The following KIAA1217 variants were observed in gnomAD, a reference collection of about 807,000 sequenced individuals.
KIAA1217 encodes sickle tail protein homolog.
A neutral mutation model predicts 163.9 loss-of-function variants in KIAA1217; 88 were observed. That is an observed-to-expected ratio of 0.54 (90% CI 0.45 to 0.64). KIAA1217 has a LOEUF of 0.64. Ranked by LOEUF, KIAA1217 falls within the 30% of genes least tolerant of loss-of-function variation. KIAA1217 has a pLI of 0.00. For synonymous variants in KIAA1217, 903 were observed against 923.1 expected, an observed-to-expected ratio of 0.98 and a Z score of 0.39; for missense variants, 2,372 against 2,475.0, an observed-to-expected ratio of 0.96 and a Z score of 0.88.
chr10:24,520,338 T>C, intron 11 of KIAA1217, 85 bp downstream of exon 11: 8 of 1,542,938 alleles, frequency 5.2e-6, no homozygotes, highest in Non-Finnish European at 5.3e-6. Context: ...GATTCATTCA[T>C]GTATGCAAGT....
intron 13 of KIAA1217, among the ~76,000 whole-genome samples, chr10:24,526,756 GTC>G (rs540754020): frequency 9.9e-5 from 15 of 152,220 alleles, no homozygotes; most frequent in Non-Finnish European, 2.1e-4. Flanking sequence ...AAGAGACAAA[GTC>G]TCTGCCCTCA....
chr10:24,370,987 A>G (rs1298507808), intron 2 of KIAA1217, among the ~76,000 whole-genome samples: 1 of 152,270 alleles, frequency 6.6e-6, no homozygotes, highest in African/African-American at 2.4e-5. Context: ...AATGAGATCC[A>G]GACTTGGAAC....
chr10:23,755,808 C>T (rs76945197), intron 1 of KIAA1217, among the ~76,000 whole-genome samples: 1 of 152,102 alleles, frequency 6.6e-6, no homozygotes, highest in Non-Finnish European at 1.5e-5. Context: ...GCATCTATGC[C>T]TCATGTTCAG....
chr10:24,535,952 G>A (rs887396881), intron 16 of KIAA1217, among the ~76,000 whole-genome samples: 2 of 152,002 alleles, frequency 1.3e-5, no homozygotes, highest in African/African-American at 4.8e-5. Flanking sequence ...TAACCTGGGT[G>A]GTATATAGCC....
At chr10:24,404,245 C>T (rs2056915498) in intron 3 of KIAA1217, among the ~76,000 whole-genome samples, 1 of 152,184 alleles carries the variant, frequency 6.6e-6, no homozygotes, top group Non-Finnish European at 1.5e-5. Flanking sequence ...AAGGCATGAG[C>T]CACTGAGCCC....
chr10:23,823,928 G>A (rs866331558), intron 1 of KIAA1217, among the ~76,000 whole-genome samples: 12 of 151,632 alleles, frequency 7.9e-5, no homozygotes, highest in African/African-American at 2.2e-4. Flanking sequence ...AAGAAGAGAG[G>A]GGGGGAAAGG....
At chr10:24,329,953 A>T (rs960625314) in intron 2 of KIAA1217, among the ~76,000 whole-genome samples, 1 of 152,324 alleles carries the variant, frequency 6.6e-6, no homozygotes, top group African/African-American at 2.4e-5. Flanking sequence ...AACTTGCTTA[A>T]CTTGTCTAAT....
rs151107430 is a variant in KIAA1217, at chr10:23,872,206, G to A, written c.-320-135019G>A. Among the ~76,000 whole-genome samples the A allele has an allele frequency of 2.0e-5, 3 of 152,138 alleles. No individual in the cohort carries two copies. In the East Asian group the frequency reaches 5.8e-4, roughly 29 times the overall value. On this transcript the variant is annotated intron_variant, in intron 1 of 18. Transcript: ENST00000376462. ...ACAAGACAAGTATAGAAAAGTGAAC[G>A]TCATCACCTTGGCAAAGGCAAAGGT...
At chr10:24,078,332 G>C (rs566818312) in intron 2 of KIAA1217, among the ~76,000 whole-genome samples, 1 of 152,298 alleles carries the variant, frequency 6.6e-6, no homozygotes, top group Admixed American at 6.5e-5. Context: ...CAGTGCCCTG[G>C]TGACCTTGGG....
intron 9 of KIAA1217, among the ~76,000 whole-genome samples, chr10:24,508,430 G>A (rs906249651): frequency 8.5e-5 from 13 of 152,182 alleles, no homozygotes; most frequent in Non-Finnish European, 1.9e-4. Context: ...AAAATCAGGA[G>A]CAAGGCCAAG....
At chr10:24,360,973 T>TA (rs924878769) in intron 2 of KIAA1217, among the ~76,000 whole-genome samples, 7 of 152,176 alleles carry the variant, frequency 4.6e-5, no homozygotes, top group Middle Eastern at 3.4e-3. Flanking sequence ...CGGGAGTTTT[T>TA]AAAAAAATTT....
At position 24,501,427 on chromosome 10, in the gene KIAA1217, C is replaced by A. The variant is rs141937477; in HGVS notation, c.1883C>A (p.Thr628Lys). Residue 628 changes from threonine to lysine, a missense_variant, in exon 9 of 21, where the codon ACG becomes AAG. Physicochemically the swap from Thr to Lys is moderately conservative, Grantham distance 78. Transcript: ENST00000376454. Reference protein sequence around the residue: ...GGKMLSALESTVPPSQPPPVG... With the variant: ...GGKMLSALESKVPPSQPPPVG... ...AAGATGCTCAGTGCTCTGGAGTCCACGGTGCCTCCCAGCCAGCCTCCACCT... is the reference window on the plus strand; with the variant it reads ...AAGATGCTCAGTGCTCTGGAGTCCAAGGTGCCTCCCAGCCAGCCTCCACCT... 4 of 1,613,894 alleles carry A rather than the reference C, an allele frequency of 2.5e-6. No individual in the cohort carries two copies. The Admixed American group carries it at 6.7e-5, about 27-fold the overall frequency.
At chr10:23,800,359 A>G (rs1836412570) in intron 1 of KIAA1217, among the ~76,000 whole-genome samples, 1 of 152,164 alleles carries the variant, frequency 6.6e-6, no homozygotes, top group African/African-American at 2.4e-5. Context: ...CAAAATACGG[A>G]AACTAGAGGT....
intron 1 of KIAA1217, among the ~76,000 whole-genome samples, chr10:23,938,002 A>C (rs539467393): frequency 1.3e-5 from 2 of 152,312 alleles, no homozygotes; most frequent in South Asian, 4.1e-4. Flanking sequence ...AAGTGTCGAG[A>C]GTTCACAGGG....
At chr10:23,940,470 A>G (rs1843719197) in intron 1 of KIAA1217, among the ~76,000 whole-genome samples, 1 of 144,378 alleles carries the variant, frequency 6.9e-6, no homozygotes. Flanking sequence ...CAAAAAAAAA[A>G]AAAAAAAAAA....
At chr10:24,183,925 T>C (rs1387184259) in intron 2 of KIAA1217, among the ~76,000 whole-genome samples, 1 of 152,166 alleles carries the variant, frequency 6.6e-6, no homozygotes, top group Admixed American at 6.6e-5. Flanking sequence ...CCCAATTCCC[T>C]CAAATACATT....
At chr10:23,781,152 A>T (rs2130902577) in intron 1 of KIAA1217, among the ~76,000 whole-genome samples, 1 of 152,280 alleles carries the variant, frequency 6.6e-6, no homozygotes, top group African/African-American at 2.4e-5. Context: ...GTCATGTAGT[A>T]GTTCTGTTTT....
At chr10:24,235,347 A>C (rs537525236) in intron 2 of KIAA1217, among the ~76,000 whole-genome samples, 1 of 152,352 alleles carries the variant, frequency 6.6e-6, no homozygotes, top group East Asian at 1.9e-4. Context: ...AAAAACAAGT[A>C]ACAACTACAA....
chr10:23,875,965 G>T (rs1222151472), intron 1 of KIAA1217, among the ~76,000 whole-genome samples: 1 of 149,904 alleles, frequency 6.7e-6, no homozygotes, highest in African/African-American at 2.5e-5. Flanking sequence ...GGGGGGCTGG[G>T]TGAGGGATAG....
Sources: allele counts gnomAD v4.1 joint callset (sites outside exome capture counted in the v4.1 genomes callset), GRCh38; gene constraint gnomAD v4.1.1; transcripts MANE v1.5; gene names NCBI Gene and HGNC (gene_info 2026-07-23, HGNC 2026-07-21).